Variants in GPC6 observed in about 807,000 individuals in gnomAD.
GPC6 encodes the protein glypican-6.
GPC6 carries 14 observed loss-of-function variants against 55.2 expected under a neutral mutation model. The ratio of observed to expected loss-of-function variants is 0.25; its 90% CI spans 0.17 to 0.40. The LOEUF (loss-of-function observed/expected upper bound fraction) is 0.40, where lower values mean the gene tolerates loss of function less well. Among genes scored for constraint, GPC6 ranks in the 10% least tolerant of loss-of-function variants. The probability of loss-of-function intolerance (pLI) is 1.00; values close to 1 mark genes in which losing one functional copy is unlikely to be tolerated. For synonymous variants in GPC6, 278 were observed against 259.6 expected, an observed-to-expected ratio of 1.07 and a Z score of -0.68; for missense variants, 641 against 708.5, an observed-to-expected ratio of 0.90 and a Z score of 1.08.
At chr13:93,750,878 G>A (rs1884554044) in intron 2 of GPC6, among the ~76,000 whole-genome samples, 2 of 152,134 alleles carry the variant, frequency 1.3e-5, no homozygotes, top group African/African-American at 4.8e-5. Context: ...CAGAAGTTGA[G>A]CCTGTGGGAG....
At chr13:94,070,179 G>A (rs184700524) in intron 4 of GPC6, among the ~76,000 whole-genome samples, 16 of 152,286 alleles carry the variant, frequency 1.1e-4, no homozygotes, top group African/African-American at 3.4e-4. Context: ...GGCAGGCAAA[G>A]AGAGAGAGAG....
At chr13:94,032,816 G>T (rs769057054) in intron 4 of GPC6, among the ~76,000 whole-genome samples, 3 of 152,156 alleles carry the variant, frequency 2.0e-5, no homozygotes, top group Non-Finnish European at 4.4e-5. Context: ...TTATTAAGTT[G>T]CCAGGCAGCC....
chr13:94,313,595 A>T (rs1876369258), intron 6 of GPC6, among the ~76,000 whole-genome samples: 1 of 152,252 alleles, frequency 6.6e-6, no homozygotes, highest in Admixed American at 6.5e-5. Flanking sequence ...AGCCCAGTCC[A>T]CATCACTGCT....
chr13:94,306,404 C>T (rs374882219), intron 6 of GPC6: 1 of 478,552 alleles, frequency 2.1e-6, no homozygotes, highest in Non-Finnish European at 3.8e-6. Flanking sequence ...AATTTGAAAA[C>T]TAAGTTGCCA....
chr13:94,250,799 T>G lies in GPC6; in HGVS notation c.878-35550T>G, dbSNP rs565238427. Among the ~76,000 whole-genome samples, 78 of 152,158 alleles carry G rather than the reference T, an allele frequency of 5.1e-4. 2 individuals carry two copies. The South Asian group carries it at 0.016, about 30-fold the overall frequency. On this transcript the variant is annotated intron_variant, in intron 4 of 8. Coordinates refer to ENST00000377047, the MANE Select transcript of GPC6 (RefSeq NM_005708.5). ...TGAGTGGGTAATTGATTAAGCTGGG[T>G]GAAGGTACATGACAATTCATTATAC...
intron 3 of GPC6, among the ~76,000 whole-genome samples, chr13:93,855,285 G>A (rs189421916): frequency 4.0e-5 from 6 of 151,716 alleles, no homozygotes; most frequent in African/African-American, 1.4e-4. Flanking sequence ...ACAGTATGTA[G>A]CCTTTTCAGA....
At chr13:94,333,451 A>G (rs1877526936) in intron 6 of GPC6, among the ~76,000 whole-genome samples, 1 of 152,210 alleles carries the variant, frequency 6.6e-6, no homozygotes, top group African/African-American at 2.4e-5. Flanking sequence ...GATAAACCCA[A>G]TTTTAGAAGA....
At chr13:93,977,590 T>G (rs1306984551) in intron 3 of GPC6, among the ~76,000 whole-genome samples, 1 of 151,620 alleles carries the variant, frequency 6.6e-6, no homozygotes, top group Non-Finnish European at 1.5e-5. Context: ...CAGAACTTGT[T>G]GGAGAGAGCC....
intron 1 of GPC6, among the ~76,000 whole-genome samples, chr13:93,336,968 A>G (rs1474554202): frequency 6.6e-6 from 1 of 152,084 alleles, no homozygotes; most frequent in Non-Finnish European, 1.5e-5. Flanking sequence ...CAATGCAAAG[A>G]TTTTCTGCCG....
chr13:93,586,826 C>T (rs1049195517), intron 2 of GPC6, among the ~76,000 whole-genome samples: 1 of 152,158 alleles, frequency 6.6e-6, no homozygotes, highest in Non-Finnish European at 1.5e-5. Flanking sequence ...GATGTTACAG[C>T]TTAGCTTCAT....
chr13:94,234,759 A>G (rs1209910466), intron 4 of GPC6, among the ~76,000 whole-genome samples: 3 of 152,142 alleles, frequency 2.0e-5, no homozygotes, highest in African/African-American at 7.2e-5. Flanking sequence ...ACGCAATAGA[A>G]ATAAGGATTT....
intron 2 of GPC6, among the ~76,000 whole-genome samples, chr13:93,783,295 C>T (rs762501499): frequency 2.0e-5 from 3 of 152,058 alleles, no homozygotes; most frequent in Non-Finnish European, 1.5e-5. Context: ...GTGCATCTAT[C>T]GTTATAATAG....
rs1478369109 is a variant in GPC6 at position 94,306,071 on chromosome 13, A to G, written c.1100A>G (p.Tyr367Cys). The G allele has an allele frequency of 2.5e-6, 4 of 1,613,994 alleles. No individual in the cohort carries two copies. The highest frequency in any genetic ancestry group is 3.4e-6 in the Non-Finnish European group (4 of 1,179,982). ...AATTTTAATACACGTTTCAGGCCCT[A>G]CAATCCTGAGGAAAGACCAACAACT... ...PENFNTRFRP[Y>C]NPEERPTTAA... The change falls in exon 6 of 9, where the codon TAC becomes TGC. Residue 367 changes from tyrosine to cysteine, a missense_variant. By Grantham distance (194) the Tyr-to-Cys change is radical. Transcript: ENST00000377047.
the GPC6 span, among the ~76,000 whole-genome samples, chr13:93,220,380 C>T: frequency 6.6e-6 from 1 of 152,140 alleles, no homozygotes; most frequent in Non-Finnish European, 1.5e-5. Context: ...TTTAATAATC[C>T]AGGTATGTCA....
chr13:93,316,000 A>G (rs1021870573), intron 1 of GPC6, among the ~76,000 whole-genome samples: 60 of 152,054 alleles, frequency 3.9e-4, no homozygotes, highest in Middle Eastern at 6.3e-3. Context: ...AGCAGTCTCA[A>G]TGATTTTTTC....
intron 1 of GPC6, chr13:93,450,848 A>G: frequency 4.3e-6 from 1 of 230,474 alleles, no homozygotes; most frequent in Non-Finnish European, 7.2e-6. Context: ...TCATTGGCAT[A>G]CATAGAAGAG....
chr13:94,049,547 A>G (rs1367557048), intron 4 of GPC6, among the ~76,000 whole-genome samples: 1 of 152,072 alleles, frequency 6.6e-6, no homozygotes, highest in Admixed American at 6.6e-5. Context: ...CCCTCCAGGC[A>G]TCATCACACC....
chr13:93,418,024 A>G (rs952670172), intron 1 of GPC6, among the ~76,000 whole-genome samples: 4 of 152,034 alleles, frequency 2.6e-5, no homozygotes, highest in Admixed American at 6.6e-5. Flanking sequence ...ATGATTCAAC[A>G]TTTGTCAATT....
intron 6 of GPC6, among the ~76,000 whole-genome samples, chr13:94,322,668 AAAT>A (rs942607736): frequency 3.3e-5 from 5 of 152,186 alleles, no homozygotes; most frequent in African/African-American, 1.2e-4. Context: ...AAGAAAACAA[AAAT>A]AATATGTGCA....
Sources: gnomAD v4.1 joint callset for allele counts (sites outside exome capture counted in the v4.1 genomes callset) on GRCh38, gnomAD v4.1.1 for gene constraint, MANE v1.5 for transcripts, NCBI Gene and HGNC (gene_info 2026-07-23, HGNC 2026-07-21) for gene names.